Variants in INSC observed in about 807,000 individuals in gnomAD.
INSC encodes protein inscuteable homolog.
Under a neutral mutation model 58.6 loss-of-function variants are expected in INSC, and 67 were observed. The ratio of observed to expected loss-of-function variants is 1.14; its 90% confidence interval spans 0.94 to 1.40. The LOEUF is 1.40. Ranked by LOEUF, INSC falls within the 40% of genes most tolerant of loss-of-function variation. The pLI is 0.00. For synonymous variants in INSC, 262 were observed against 276.1 expected (o/e 0.95, Z 0.51); for missense variants, 714 against 692.0 (o/e 1.03, Z -0.36).
intron 7 of INSC, among the ~76,000 whole-genome samples, chr11:15,203,032 C>A (rs1460630224): frequency 6.6e-6 from 1 of 152,194 alleles, no homozygotes; most frequent in Non-Finnish European, 1.5e-5. Context: ...TATGTCCTTT[C>A]ATTAATGCAC....
At chr11:15,145,264 G>C (rs1251352847) in intron 1 of INSC, among the ~76,000 whole-genome samples, 1 of 152,172 alleles carries the variant, frequency 6.6e-6, no homozygotes, top group African/African-American at 2.4e-5. Flanking sequence ...TTTTCCGTGG[G>C]TTGGCAATTT....
upstream of INSC, chr11:15,112,454 A>G: frequency 6.3e-7 from 1 of 1,590,414 alleles, no homozygotes; most frequent in Non-Finnish European, 8.5e-7. Flanking sequence ...GAGTCGCTGC[A>G]GCCAAGGCTG....
At chr11:15,183,506 T>A (rs1327034212) in intron 5 of INSC, among the ~76,000 whole-genome samples, 2 of 152,124 alleles carry the variant, frequency 1.3e-5, no homozygotes, top group African/African-American at 4.8e-5. Flanking sequence ...ATTTATTTTA[T>A]CCCTTCCATC....
At chr11:15,173,974 G>T (rs1449431135) in intron 2 of INSC, among the ~76,000 whole-genome samples, 1 of 152,080 alleles carries the variant, frequency 6.6e-6, no homozygotes, top group Admixed American at 6.6e-5. Context: ...CACCAGGCTG[G>T]CCTCATTGGT....
intron 5 of INSC, among the ~76,000 whole-genome samples, chr11:15,179,628 G>A (rs906809906): frequency 6.6e-6 from 1 of 152,176 alleles, no homozygotes; most frequent in Admixed American, 6.5e-5. Context: ...CCCAACAACA[G>A]GAAGGTCCTC....
chr11:15,139,233 C>T (rs1196240919), intron 1 of INSC, among the ~76,000 whole-genome samples: 11 of 152,086 alleles, frequency 7.2e-5, no homozygotes, highest in Non-Finnish European at 1.3e-4. Context: ...CACGTTGGAG[C>T]GATTCAATTT....
At chr11:15,263,180 C>A in the INSC span, among the ~76,000 whole-genome samples, 1 of 152,048 alleles carries the variant, frequency 6.6e-6, no homozygotes, top group Non-Finnish European at 1.5e-5. Context: ...TTTGAGAGTA[C>A]TTGTGGGCAA....
intron 1 of INSC, among the ~76,000 whole-genome samples, chr11:15,120,915 A>G (rs1847856195): frequency 6.6e-6 from 1 of 151,512 alleles, no homozygotes; most frequent in Non-Finnish European, 1.5e-5. Flanking sequence ...AACTGTTTAC[A>G]TGATCTTCCA....
intron 11 of INSC, among the ~76,000 whole-genome samples, chr11:15,239,676 A>G (rs1852269536): frequency 6.6e-6 from 1 of 152,204 alleles, no homozygotes; most frequent in Non-Finnish European, 1.5e-5. Flanking sequence ...AAAAAGAGAT[A>G]TTCTCACTTC....
chr11:15,167,053 AT>A (rs896113089), intron 2 of INSC, among the ~76,000 whole-genome samples: 2 of 151,486 alleles, frequency 1.3e-5, no homozygotes, highest in African/African-American at 2.4e-5. Context: ...ATTTTTTTTT[AT>A]TTTTTATTTC....
chr11:15,182,387 T>G (rs562812752), intron 5 of INSC, among the ~76,000 whole-genome samples: 4 of 152,292 alleles, frequency 2.6e-5, no homozygotes, highest in Non-Finnish European at 5.9e-5. Flanking sequence ...TTGTCTATAG[T>G]CTATAAAGAT....
chr11:15,258,716 A>G, the INSC span, among the ~76,000 whole-genome samples: 2 of 152,196 alleles, frequency 1.3e-5, no homozygotes, highest in Non-Finnish European at 2.9e-5. Flanking sequence ...AGAACTCCCA[A>G]TAGGCCCCTT....
At chr11:15,222,217 T>C (rs998062338) in intron 8 of INSC, among the ~76,000 whole-genome samples, 3 of 152,216 alleles carry the variant, frequency 2.0e-5, no homozygotes, top group Non-Finnish European at 4.4e-5. Flanking sequence ...ATCTAAAATA[T>C]GCTCTTTTCT....
chr11:15,183,191 T>G (rs546325461), intron 5 of INSC, among the ~76,000 whole-genome samples: 1 of 151,572 alleles, frequency 6.6e-6, no homozygotes, highest in East Asian at 1.9e-4. Context: ...CTACTAAAAA[T>G]ATAAAAAAAA....
intron 1 of INSC, among the ~76,000 whole-genome samples, chr11:15,134,216 G>A (rs919835922): frequency 6.6e-6 from 1 of 152,250 alleles, no homozygotes; most frequent in African/African-American, 2.4e-5. Context: ...TATTTCATTG[G>A]ATTTAAGATG....
At chr11:15,214,437 A>G (rs7118768) in intron 7 of INSC, among the ~76,000 whole-genome samples, 2,811 of 152,296 alleles carry the variant, frequency 0.018, 89 homozygotes, top group African/African-American at 0.064. Flanking sequence ...AGACACATAA[A>G]ACAAAAACAA....
intron 1 of INSC, among the ~76,000 whole-genome samples, chr11:15,145,780 C>T (rs951428422): frequency 6.6e-6 from 1 of 152,124 alleles, no homozygotes; most frequent in Non-Finnish European, 1.5e-5. Flanking sequence ...AGGGCTGGCA[C>T]TAGGTGAAGC....
chr11:15,157,095 A>C (rs1714346), intron 2 of INSC, among the ~76,000 whole-genome samples: 150,654 of 152,322 alleles, frequency 0.99, 74,535 homozygotes, highest in East Asian at 1. Context: ...ATGCAATGAA[A>C]AGGGCTACTT....
At chr11:15,125,100 G>A (rs1361445069) in intron 1 of INSC, among the ~76,000 whole-genome samples, 1 of 152,122 alleles carries the variant, frequency 6.6e-6, no homozygotes, top group African/African-American at 2.4e-5. Flanking sequence ...GGTGGGAGGT[G>A]GTTTATATAT....
Sources: allele counts gnomAD v4.1 joint callset (sites outside exome capture counted in the v4.1 genomes callset), GRCh38; gene constraint gnomAD v4.1.1; transcripts MANE v1.5; gene names NCBI Gene and HGNC (gene_info 2026-07-23, HGNC 2026-07-21).